The following CCDC141 variants were observed in gnomAD, a reference collection of about 807,000 sequenced individuals.
CCDC141 encodes coiled-coil domain containing 141, also known as coiled-coil domain-containing protein 141.
CCDC141 carries 168 observed loss-of-function variants against 181.0 expected under a neutral mutation model. The ratio of observed to expected loss-of-function variants is 0.93; its 90% CI spans 0.82 to 1.05. The LOEUF (loss-of-function observed/expected upper bound fraction) is 1.05. Among genes scored for constraint, CCDC141 ranks in the 50% least tolerant of loss-of-function variants. The probability of loss-of-function intolerance (pLI) is 0.00; values close to 1 mark genes in which losing one functional copy is unlikely to be tolerated. For synonymous variants in CCDC141, 666 were observed against 642.3 expected (o/e 1.04, Z -0.56); for missense variants, 1,902 against 1,788.5 (o/e 1.06, Z -1.14).
In CCDC141 at chr2:179,019,890, C is replaced by G. The variant is rs1302219123; in HGVS notation, c.225+27394G>C. Among the ~76,000 whole-genome samples the G allele has an allele frequency of 2.0e-5, 3 of 152,146 alleles. No individual in the cohort carries two copies. The East Asian group carries it at 5.8e-4, about 29-fold the overall frequency. ...CAAGCAATCTTCCTACCTTAGCCTC[C>G]CAAGTAGCTGGGACTACAGGCATGC... is the stretch of plus-strand genomic sequence containing the variant. On this transcript the variant is annotated intron_variant, in intron 2 of 23. Transcript: ENST00000443758.
At chr2:178,829,504 C>A (rs1332179265), downstream of CCDC141, among the ~76,000 whole-genome samples, 1 of 152,170 alleles carries the variant, frequency 6.6e-6, no homozygotes, top group African/African-American at 2.4e-5. Context: ...TGTGGAGATT[C>A]ATGGAAAAAG....
In CCDC141 at chr2:178,870,231, CAA is replaced by C. The variant is rs34625707; in HGVS notation, c.2206-928_2206-927del. ...TGGGCAACAGAGTAAGACTCTGTCTCAAAAAAAAAAAAAAAAAAAAAAAGACA... is the reference window on the plus strand; with the variant it reads ...TGGGCAACAGAGTAAGACTCTGTCTCAAAAAAAAAAAAAAAAAAAAAGACA... On this transcript the variant is annotated intron_variant, in intron 14 of 23. Coordinates refer to ENST00000443758, the MANE Select transcript of CCDC141 (RefSeq NM_173648.4). Among the ~76,000 whole-genome samples, 56 of 60,286 alleles carry C rather than the reference CAA, an allele frequency of 9.3e-4. 1 individual carries two copies. The highest frequency in any genetic ancestry group is 0.015 in the Middle Eastern group (1 of 66). The allele number at this position is 60,286 out of a possible 152,430, so 39.5% of individuals were successfully genotyped here.
In CCDC141 at chr2:178,868,119, G is replaced by T; in HGVS notation, c.2481C>A (p.Leu827=). The part of the protein sequence containing the change: ...LGDAHDVQIH[L]RCSQEKQARV... ...GGGCTTGCTTTTCCTGAGAGCACCG[G>T]AGGTGAATCTGCACATCATGGGCAT... Residue 827 remains leucine, a synonymous_variant, in exon 16 of 24, where the codon CTC becomes CTA. Transcript: ENST00000443758. The T allele has an allele frequency of 1.2e-6, 2 of 1,614,028 alleles. No homozygotes were observed. Among genetic ancestry groups the T allele is most frequent in the Non-Finnish European group, 1.7e-6 (2 of 1,179,938 alleles).
At chr2:178,883,531 G>A (rs1172762424) in intron 11 of CCDC141, among the ~76,000 whole-genome samples, 1 of 152,146 alleles carries the variant, frequency 6.6e-6, no homozygotes, top group Non-Finnish European at 1.5e-5. Context: ...TATTATAAAG[G>A]AATTGGATAG....
Position 178,845,620 on chromosome 2 carries a change from CT to C in CCDC141, c.3474+5del, listed in dbSNP as rs776032980. On this transcript the variant is annotated splice_donor_5th_base_variant and intron_variant, in intron 22 of 23. Coordinates refer to ENST00000443758, the MANE Select transcript of CCDC141 (RefSeq NM_173648.4). ...TCAATAGCTGAGGTTAAGTAGTTTT[CT>C]TTACCTTATTCCTTTCTTCATTGAA... 3.3e-6 allele frequency: 5 copies of C among 1,522,492 alleles called. No individual in the cohort carries two copies. Among genetic ancestry groups the C allele is most frequent in the South Asian group, 1.1e-5 (1 of 89,026 alleles). 94.3% of individuals were successfully genotyped at this position (1,522,492 alleles called of 1,614,324 possible). A position where few individuals can be genotyped will look rare whatever the true frequency, so the allele number is the denominator to read the frequency against.
chr2:178,926,407 T>A (rs991714391), intron 6 of CCDC141: 4 of 152,212 alleles, frequency 2.6e-5, no homozygotes, highest in Non-Finnish European at 5.9e-5. Context: ...GATTAATGAC[T>A]TCTAAATCTA....
intron 5 of CCDC141, among the ~76,000 whole-genome samples, chr2:178,956,250 G>A (rs1246074881): frequency 6.6e-6 from 1 of 152,156 alleles, no homozygotes; most frequent in Admixed American, 6.5e-5. Flanking sequence ...CTGTTAACAA[G>A]AGAAAATGTA....
chr2:178,910,656 G>T (rs141518963), intron 7 of CCDC141, among the ~76,000 whole-genome samples: 2 of 152,194 alleles, frequency 1.3e-5, no homozygotes, highest in Non-Finnish European at 2.9e-5. Context: ...GCTTTCAAAT[G>T]CCCTGAAGGC....
intron 2 of CCDC141, among the ~76,000 whole-genome samples, chr2:178,982,658 A>G (rs4577318): frequency 0.97 from 147,998 of 152,268 alleles, 72,048 homozygotes; most frequent in Middle Eastern, 1. Context: ...CTCGGGAAGC[A>G]CAAGGGGTCA....
intron 5 of CCDC141, among the ~76,000 whole-genome samples, chr2:178,947,208 C>G (rs530793272): frequency 3.3e-5 from 5 of 152,310 alleles, no homozygotes; most frequent in African/African-American, 1.2e-4. Context: ...CTACTGCAGA[C>G]AGCTGCATAG....
intron 2 of CCDC141, among the ~76,000 whole-genome samples, chr2:179,026,096 C>A (rs1045528036): frequency 2.6e-5 from 4 of 152,110 alleles, no homozygotes; most frequent in Non-Finnish European, 5.9e-5. Context: ...AAAATAAAAT[C>A]CCATTTTCTG....
At chr2:179,017,165 T>G (rs2042565887) in intron 2 of CCDC141, among the ~76,000 whole-genome samples, 1 of 152,116 alleles carries the variant, frequency 6.6e-6, no homozygotes, top group Non-Finnish European at 1.5e-5. Context: ...CAAAAGAAAG[T>G]GCATACTGGT....
intron 2 of CCDC141, among the ~76,000 whole-genome samples, chr2:179,010,983 C>T (rs2042253388): frequency 6.6e-6 from 1 of 151,966 alleles, no homozygotes; most frequent in African/African-American, 2.4e-5. Flanking sequence ...ATGGTGAAAC[C>T]CTGACTCTAC....
Position 178,939,071 on chromosome 2 carries a change from T to C in CCDC141, c.897+5464A>G, listed in dbSNP as rs1689404745. Among the ~76,000 whole-genome samples the C allele has an allele frequency of 2.0e-5, 3 of 152,084 alleles. No individual in the cohort carries two copies. The South Asian group carries it at 6.2e-4, about 32-fold the overall frequency. ...CCTGCTAATTCAAGTGAGAAGAGGC[T>C]AATAAAGTGGCTAAGGAAAATGTGT... On this transcript the variant is annotated intron_variant, in intron 6 of 23. Transcript: ENST00000443758.
intron 6 of CCDC141, 64 bp from the exon 7 acceptor site, chr2:178,918,971 C>T: frequency 2.2e-6 from 3 of 1,357,092 alleles, no homozygotes; most frequent in South Asian, 1.4e-5. Flanking sequence ...GCTTGTGTCC[C>T]CCCGAAATTC....
Position 178,869,023 on chromosome 2 carries a change from G to C in CCDC141, c.2394+94C>G, listed in dbSNP as rs114562443. On this transcript the variant is annotated intron_variant, in intron 15 of 23. Coordinates refer to ENST00000443758, the MANE Select transcript of CCDC141 (RefSeq NM_173648.4). ...ATTGTGTAAACTTCTGATACTAGAA[G>C]ACACAATTTGGCCTTTATTTATTAT... The C allele has an allele frequency of 1.2e-3, 967 of 830,770 alleles. 11 individuals are homozygous for C. The African/African-American group carries it at 0.015, about 13-fold the overall frequency. 51.5% of individuals were successfully genotyped at this position (830,770 alleles called of 1,614,324 possible). A position where few individuals can be genotyped will look rare whatever the true frequency, so the allele number is the denominator to read the frequency against.
chr2:178,978,151 C>G (rs1346746110), intron 3 of CCDC141, among the ~76,000 whole-genome samples: 2 of 152,108 alleles, frequency 1.3e-5, no homozygotes, highest in Non-Finnish European at 1.5e-5. Context: ...GTAATCCTAC[C>G]ATCAGGTAAT....
chr2:178,952,233 G>T (rs1357762388), intron 5 of CCDC141, among the ~76,000 whole-genome samples: 1 of 152,190 alleles, frequency 6.6e-6, no homozygotes, highest in African/African-American at 2.4e-5. Flanking sequence ...GATATGGCCA[G>T]TGTGTCTGAT....
chr2:178,858,479 AC>A (rs1395151826), intron 17 of CCDC141, among the ~76,000 whole-genome samples: 6 of 152,166 alleles, frequency 3.9e-5, no homozygotes, highest in East Asian at 1.9e-4. Flanking sequence ...GTTTTAAAAA[AC>A]ATCTCAATAA....
Sources: gnomAD v4.1 joint callset for allele counts (sites outside exome capture counted in the v4.1 genomes callset) on GRCh38, gnomAD v4.1.1 for gene constraint, MANE v1.5 for transcripts, NCBI Gene and HGNC (gene_info 2026-07-23, HGNC 2026-07-21) for gene names.